Variants in PPP1R37 observed in about 807,000 individuals in gnomAD.
PPP1R37 encodes the protein protein phosphatase 1 regulatory subunit 37.
A neutral mutation model predicts 61.0 loss-of-function variants in PPP1R37; 21 were observed. That is an observed-to-expected ratio of 0.34 (90% CI 0.24 to 0.50). The LOEUF is 0.50. PPP1R37 is among the 20% of genes least tolerant of loss of function. The pLI, the probability that PPP1R37 is intolerant of heterozygous loss-of-function variation, is 0.98. For missense variants in PPP1R37, 910 were observed against 952.7 expected, an observed-to-expected ratio of 0.96 and a Z score of 0.59; for synonymous variants, 443 against 433.5, an observed-to-expected ratio of 1.02 and a Z score of -0.27.
chr19:45,103,228 A>G (rs1008721963), intron 1 of PPP1R37, among the ~76,000 whole-genome samples: 2 of 152,306 alleles, frequency 1.3e-5, no homozygotes, highest in Non-Finnish European at 2.9e-5. Flanking sequence ...GGCAGCTGGT[A>G]CTGAGCGGTT....
At chr19:45,094,665 T>A (rs1490906924) in intron 1 of PPP1R37, among the ~76,000 whole-genome samples, 1 of 151,048 alleles carries the variant, frequency 6.6e-6, no homozygotes, top group Non-Finnish European at 1.5e-5. Flanking sequence ...GAGGTGGAGG[T>A]TGCAGTGAGC....
intron 4 of PPP1R37, 118 bp from the exon 5 acceptor site, chr19:45,141,204 T>C: frequency 8.7e-7 from 1 of 1,151,868 alleles, no homozygotes; most frequent in Non-Finnish European, 1.2e-6. Context: ...TCCTCTCCCG[T>C]GTGGCTCTCT....
At chr19:45,115,981 A>AG (rs939394709) in intron 1 of PPP1R37, among the ~76,000 whole-genome samples, 2 of 151,994 alleles carry the variant, frequency 1.3e-5, no homozygotes, top group Non-Finnish European at 1.5e-5. Context: ...TCTCAAAAAA[A>AG]AAAAAAAAGT....
chr19:45,102,070 C>T (rs544102233), intron 1 of PPP1R37, among the ~76,000 whole-genome samples: 1 of 152,232 alleles, frequency 6.6e-6, no homozygotes, highest in Non-Finnish European at 1.5e-5. Flanking sequence ...CATCCTGCCC[C>T]TGCATGGGCT....
intron 1 of PPP1R37, among the ~76,000 whole-genome samples, chr19:45,094,415 T>C (rs531205050): frequency 6.6e-6 from 1 of 152,202 alleles, no homozygotes; most frequent in South Asian, 2.1e-4. Flanking sequence ...AAGGGTCCTC[T>C]TGTTCCTTCC....
chr19:45,122,619 T>C (rs1043571833), intron 1 of PPP1R37, among the ~76,000 whole-genome samples: 4 of 151,930 alleles, frequency 2.6e-5, no homozygotes, highest in African/African-American at 7.3e-5. Flanking sequence ...AGGGAAGGCC[T>C]TTGAGGAGGT....
At chr19:45,093,802 G>C (rs1967956060) in intron 1 of PPP1R37, among the ~76,000 whole-genome samples, 1 of 152,182 alleles carries the variant, frequency 6.6e-6, no homozygotes, top group South Asian at 2.1e-4. Context: ...AGAAAGTTTG[G>C]TGTTTTGTCA....
intron 1 of PPP1R37, among the ~76,000 whole-genome samples, chr19:45,133,700 A>G (rs1010607193): frequency 6.6e-6 from 1 of 152,086 alleles, no homozygotes; most frequent in African/African-American, 2.4e-5. Context: ...CCTTTATGAG[A>G]CTTCAGTCAC....
chr19:45,108,363 C>G (rs1280548406), intron 1 of PPP1R37, among the ~76,000 whole-genome samples: 1 of 152,012 alleles, frequency 6.6e-6, no homozygotes, highest in Non-Finnish European at 1.5e-5. Context: ...GCGCGCACCA[C>G]CACGCCCGGC....
intron 1 of PPP1R37, among the ~76,000 whole-genome samples, chr19:45,098,412 T>C (rs567527514): frequency 6.6e-6 from 1 of 152,344 alleles, no homozygotes; most frequent in African/African-American, 2.4e-5. Flanking sequence ...GGACTTGTGA[T>C]GAGAGCACAT....
At chr19:45,137,592 G>C (rs1001471506) in intron 1 of PPP1R37, among the ~76,000 whole-genome samples, 1 of 152,160 alleles carries the variant, frequency 6.6e-6, no homozygotes, top group African/African-American at 2.4e-5. Context: ...TCTTCCAACT[G>C]CTTCTGTGTC....
chr19:45,140,417 G>C (rs369173831), intron 3 of PPP1R37, 89 bp from the exon 4 acceptor site: 4 of 1,265,670 alleles, frequency 3.2e-6, no homozygotes, highest in African/African-American at 1.5e-5. Flanking sequence ...TGGGCCTGGT[G>C]GGGGGTGGGA....
At chr19:45,146,316 C>G in intron 11 of PPP1R37, 74 bp from the exon 12 acceptor site, 1 of 1,395,638 alleles carries the variant, frequency 7.2e-7, no homozygotes, top group Non-Finnish European at 9.7e-7. Flanking sequence ...GAGGGTCTGG[C>G]TGGGGCCGGG....
chr19:45,138,340 C>T (rs1968564388), intron 1 of PPP1R37, among the ~76,000 whole-genome samples, 174 bp from the exon 2 acceptor site: 1 of 152,102 alleles, frequency 6.6e-6, no homozygotes, highest in Admixed American at 6.6e-5. Flanking sequence ...GGCACTTTAC[C>T]TCGGGCAGTG....
intron 1 of PPP1R37, among the ~76,000 whole-genome samples, chr19:45,116,671 C>T (rs567992998): frequency 2.6e-5 from 4 of 152,316 alleles, no homozygotes; most frequent in South Asian, 2.1e-4. Flanking sequence ...TGGACGTTGT[C>T]TTCATTTCCC....
intron 5 of PPP1R37, 41 bp from the exon 6 acceptor site, chr19:45,142,020 G>A: frequency 6.8e-7 from 1 of 1,466,764 alleles, no homozygotes; most frequent in Non-Finnish European, 9.0e-7. Flanking sequence ...GCTGGGGCAG[G>A]CCTGAGCCAG....
chr19:45,135,710 G>C (rs905823748), intron 1 of PPP1R37, among the ~76,000 whole-genome samples: 2 of 152,118 alleles, frequency 1.3e-5, no homozygotes, highest in African/African-American at 4.8e-5. Context: ...GAAGTCCGTG[G>C]GCAGCGCTGC....
At chr19:45,103,925 TG>T (rs745929491) in intron 1 of PPP1R37, among the ~76,000 whole-genome samples, 17 of 152,122 alleles carry the variant, frequency 1.1e-4, no homozygotes, top group Non-Finnish European at 2.1e-4. Flanking sequence ...AGGGCTCCAC[TG>T]TAACTACAGG....
At chr19:45,137,847 AC>A (rs759743650) in intron 1 of PPP1R37, among the ~76,000 whole-genome samples, 20 of 151,438 alleles carry the variant, frequency 1.3e-4, no homozygotes, top group Admixed American at 2.6e-4. Context: ...AAAAAAAAAA[AC>A]AAACCAAGGA....
Sources: gnomAD v4.1 joint callset for allele counts (sites outside exome capture counted in the v4.1 genomes callset) on GRCh38, gnomAD v4.1.1 for gene constraint, MANE v1.5 for transcripts, NCBI Gene and HGNC (gene_info 2026-07-23, HGNC 2026-07-21) for gene names.